Variants in LARS2 observed in about 807,000 individuals in gnomAD.
LARS2 encodes the protein leucyl-tRNA synthetase 2, mitochondrial.
A neutral mutation model predicts 116.6 loss-of-function variants in LARS2; 81 were observed. That is an observed-to-expected ratio of 0.69 (90% CI 0.58 to 0.84). LARS2 has a LOEUF of 0.84. Ranked by LOEUF, LARS2 falls within the 40% of genes least tolerant of loss-of-function variation. The probability of loss-of-function intolerance (pLI) is 0.00; values close to 1 mark genes in which losing one functional copy is unlikely to be tolerated. For missense variants in LARS2, 968 were observed against 1,114.5 expected (o/e 0.87, Z 1.87); for synonymous variants, 396 against 407.2 (o/e 0.97, Z 0.33).
At chr3:45,424,801 A>C (rs11130061) in intron 6 of LARS2, among the ~76,000 whole-genome samples, 39,336 of 152,032 alleles carry the variant, frequency 0.26, 6,439 homozygotes, top group East Asian at 0.7. Context: ...TAGGTCTTTC[A>C]TTGTGACAGT....
chr3:45,496,190 A>G, intron 13 of LARS2, 85 bp from the exon 14 acceptor site: 3 of 1,056,790 alleles, frequency 2.8e-6, no homozygotes, highest in South Asian at 1.3e-5. Context: ...TTTTAAATTC[A>G]TACTTATAGC....
intron 14 of LARS2, among the ~76,000 whole-genome samples, chr3:45,498,198 G>GA (rs2125738281): frequency 6.6e-6 from 1 of 152,356 alleles, no homozygotes; most frequent in South Asian, 2.1e-4. Context: ...CGTGGCGGGA[G>GA]AGACATCCTG....
chr3:45,519,995 C>T lies in LARS2; in HGVS notation c.2215-224C>T, dbSNP rs267224. Among the ~76,000 whole-genome samples, 78,226 of 151,980 alleles carry T rather than the reference C, an allele frequency of 0.51. 24,034 individuals are homozygous for T. Among genetic ancestry groups the T allele is most frequent in the East Asian group, 0.78 (4,025 of 5,162 alleles). On this transcript the variant is annotated intron_variant, in intron 18 of 21. Transcript: ENST00000645846. ...CCTACTATGAGAACCAACAGTATCC[C>T]AGATATGTGGAAGAATAGTCTTAAA...
chr3:45,416,111 G>A (rs1416302493), intron 4 of LARS2, among the ~76,000 whole-genome samples: 1 of 151,488 alleles, frequency 6.6e-6, no homozygotes, highest in African/African-American at 2.4e-5. Context: ...GGGAAGAAAG[G>A]GATGAACTTC....
rs765292534 is a variant in LARS2 at position 45,547,459 on chromosome 3, C to A, written c.2641C>A (p.Gln881Lys). The A allele has an allele frequency of 1.9e-6, 3 of 1,613,788 alleles. No homozygotes were observed. The highest frequency in any genetic ancestry group is 2.5e-6 in the Non-Finnish European group (3 of 1,179,880). The change falls in exon 22 of 22, where the codon CAA (glutamine) becomes AAA (lysine). Residue 881 changes from glutamine (Q) to lysine (K), a missense_variant. Gln to Lys is a moderately conservative substitution (Grantham distance 53, BLOSUM62 1). Coordinates refer to ENST00000645846, the MANE Select transcript of LARS2 (RefSeq NM_015340.4). The part of the protein sequence containing the change: ...LQSELGVRLL[Q>K]GRSIKKSFLS... ...AAGCGAGCTGGGTGTCAGGCTTTTG[C>A]AAGGACGAAGCATCAAGAAGTCCTT...
chr3:45,547,244 C>A, intron 21 of LARS2, 107 bp from the exon 22 acceptor site: 3 of 1,031,416 alleles, frequency 2.9e-6, no homozygotes, highest in Non-Finnish European at 2.8e-6. Context: ...ATTCCTTTCC[C>A]CTAAACAAAT....
intron 4 of LARS2, among the ~76,000 whole-genome samples, chr3:45,413,078 T>C (rs1384405291): frequency 6.6e-6 from 1 of 152,202 alleles, no homozygotes; most frequent in African/African-American, 2.4e-5. Context: ...AAGTACTTGA[T>C]TGGCCCTTTG....
chr3:45,409,568 G>T (rs1698293138), intron 4 of LARS2, among the ~76,000 whole-genome samples: 1 of 152,176 alleles, frequency 6.6e-6, no homozygotes, highest in South Asian at 2.1e-4. Flanking sequence ...ACAAGCTTTG[G>T]TATTTTGTAA....
At chr3:45,517,644 G>A (rs903250493) in intron 17 of LARS2, among the ~76,000 whole-genome samples, 18 of 152,202 alleles carry the variant, frequency 1.2e-4, no homozygotes, top group African/African-American at 3.4e-4. Context: ...GCTCATGACC[G>A]TTGGTGGGTG....
intron 8 of LARS2, among the ~76,000 whole-genome samples, chr3:45,461,515 A>G (rs1699325879): frequency 6.6e-6 from 1 of 152,172 alleles, no homozygotes; most frequent in East Asian, 1.9e-4. Flanking sequence ...TTAGGTCTTA[A>G]GGAATTTGCA....
At chr3:45,418,504 A>C (rs1478606679) in intron 5 of LARS2, among the ~76,000 whole-genome samples, 1 of 152,256 alleles carries the variant, frequency 6.6e-6, no homozygotes, top group East Asian at 1.9e-4. Flanking sequence ...AAGTGGATCA[A>C]ACATGGCTTA....
rs1278198421 is a variant in LARS2, at chr3:45,400,328, C to T, written c.318C>T (p.Thr106=). 2 of 1,613,690 alleles carry T rather than the reference C, an allele frequency of 1.2e-6. No individual in the cohort carries two copies. Among genetic ancestry groups the T allele is most frequent in the East Asian group, 2.2e-5 (1 of 44,888 alleles). The change falls in exon 4 of 22, where the codon ACC becomes ACT. Residue 106 remains threonine (T), a synonymous_variant. Transcript: ENST00000645846. Reference sequence around the variant, plus strand: ...ACATGGGCCATGTGCGTGTCTACACCATCAGCGACACCATAGCACGGTTCC... The same window carrying T: ...ACATGGGCCATGTGCGTGTCTACACTATCAGCGACACCATAGCACGGTTCC... ...KLHMGHVRVY[T]ISDTIARFQK... is the part of the protein sequence containing the mutation.
At chr3:45,508,075 G>T (rs563807850) in intron 15 of LARS2, among the ~76,000 whole-genome samples, 1 of 152,082 alleles carries the variant, frequency 6.6e-6, no homozygotes, top group Non-Finnish European at 1.5e-5. Flanking sequence ...GTGGGAGACC[G>T]CTGTAAACAT....
chr3:45,524,257 G>T (rs1700502626), intron 20 of LARS2, 149 bp downstream of exon 20: 1 of 586,156 alleles, frequency 1.7e-6, no homozygotes. Context: ...CCTGTACTCT[G>T]AATGGTAGTA....
At chr3:45,441,179 C>G (rs559492178) in intron 6 of LARS2, among the ~76,000 whole-genome samples, 3 of 152,266 alleles carry the variant, frequency 2.0e-5, no homozygotes, top group African/African-American at 7.2e-5. Context: ...CATATGCCAC[C>G]ACGCCTGGCT....
intron 6 of LARS2, among the ~76,000 whole-genome samples, chr3:45,430,304 A>G: frequency 7.8e-6 from 1 of 128,802 alleles, no homozygotes. Context: ...TTTGAGACAG[A>G]GTCTGGCTCT....
chr3:45,452,885 T>C lies in LARS2; in HGVS notation c.607-5858T>C, dbSNP rs1699155958. On this transcript the variant is annotated intron_variant, in intron 7 of 21. Coordinates refer to ENST00000645846, the MANE Select transcript of LARS2 (RefSeq NM_015340.4). ...TTCAGGTTTTCAATTACTTCATGGT[T>C]CGATCTTGCTAGGTTGTGTGTGTGT... 1.3e-5 allele frequency among the ~76,000 whole-genome samples: 2 copies of C among 152,186 alleles called. 1 individual carries two copies. The highest frequency in any genetic ancestry group is 1.3e-4 in the Admixed American group (2 of 15,276).
At chr3:45,411,346 C>CTAGTA (rs1559459591) in intron 4 of LARS2, among the ~76,000 whole-genome samples, 1 of 152,144 alleles carries the variant, frequency 6.6e-6, no homozygotes, top group African/African-American at 2.4e-5. Context: ...GTTATGCACC[C>CTAGTA]GAGGTTGATC....
At chr3:45,511,771 ATTTTTTTT>A (rs67171643) in intron 15 of LARS2, among the ~76,000 whole-genome samples, 1 of 86,620 alleles carries the variant, frequency 1.2e-5, no homozygotes, top group Non-Finnish European at 2.2e-5. Context: ...AATGCTGCTG[ATTTTTTTT>A]TTTTTTTTTT....
Sources: allele counts gnomAD v4.1 joint callset (sites outside exome capture counted in the v4.1 genomes callset), GRCh38; gene constraint gnomAD v4.1.1; transcripts MANE v1.5; gene names NCBI Gene and HGNC (gene_info 2026-07-23, HGNC 2026-07-21).